Variants in SMG6 observed in about 807,000 individuals in gnomAD.
SMG6 encodes SMG6 nonsense mediated mRNA decay factor.
In SMG6, 66 loss-of-function variants were observed where a neutral mutation model predicts 142.2. The observed-to-expected ratio is 0.46, with a 90% CI of 0.38 to 0.57. The LOEUF (loss-of-function observed/expected upper bound fraction) is 0.57. SMG6 is among the 20% of genes least tolerant of loss of function. The pLI, the probability that SMG6 is intolerant of heterozygous loss-of-function variation, is 0.00. For synonymous variants in SMG6, 779 were observed against 702.4 expected, an observed-to-expected ratio of 1.11 and a Z score of -1.72; for missense variants, 1,793 against 1,832.0, an observed-to-expected ratio of 0.98 and a Z score of 0.39.
intron 8 of SMG6, among the ~76,000 whole-genome samples, chr17:2,276,910 T>C (rs1474565930): frequency 6.6e-6 from 1 of 151,740 alleles, no homozygotes; most frequent in Non-Finnish European, 1.5e-5. Flanking sequence ...GCCTCTTGAG[T>C]AGCTGGGATT....
chr17:2,126,042 T>A (rs1273104798), intron 13 of SMG6, among the ~76,000 whole-genome samples: 2 of 151,630 alleles, frequency 1.3e-5, no homozygotes, highest in East Asian at 3.9e-4. Flanking sequence ...AAAGGGCTCA[T>A]GCTTCTGGAT....
At chr17:2,255,741 A>AG (rs2074160835) in intron 8 of SMG6, 3 of 195,936 alleles carry the variant, frequency 1.5e-5, no homozygotes, top group South Asian at 8.9e-5. Context: ...TGGAATAGAA[A>AG]GGGGGGAAAG....
chr17:2,098,745 C>T (rs1012406224), intron 13 of SMG6, among the ~76,000 whole-genome samples: 1 of 152,126 alleles, frequency 6.6e-6, no homozygotes, highest in African/African-American at 2.4e-5. Context: ...ATTCTCCTGC[C>T]TCAGCCTCCC....
chr17:2,152,148 T>C (rs986036269), intron 13 of SMG6, among the ~76,000 whole-genome samples: 4 of 152,150 alleles, frequency 2.6e-5, no homozygotes, highest in Non-Finnish European at 4.4e-5. Flanking sequence ...GGAACCCAGT[T>C]GAAGGTAAGA....
intron 10 of SMG6, among the ~76,000 whole-genome samples, chr17:2,226,967 CAA>C (rs2073338316): frequency 6.6e-6 from 1 of 152,042 alleles, no homozygotes; most frequent in African/African-American, 2.4e-5. Context: ...ATACAAGTGG[CAA>C]ATAAACACAT....
chr17:2,245,989 GA>G (rs1759116725), intron 8 of SMG6, among the ~76,000 whole-genome samples: 2 of 152,102 alleles, frequency 1.3e-5, no homozygotes, highest in South Asian at 4.1e-4. Flanking sequence ...GCTGAATCTG[GA>G]TTTTTATGTG....
chr17:2,295,711 A>G (rs1490798367), intron 4 of SMG6, among the ~76,000 whole-genome samples: 2 of 151,952 alleles, frequency 1.3e-5, no homozygotes, highest in Admixed American at 1.3e-4. Context: ...ATGACTCATG[A>G]ATCTATATCA....
At chr17:2,203,087 A>T (rs954511489) in intron 10 of SMG6, among the ~76,000 whole-genome samples, 2 of 152,146 alleles carry the variant, frequency 1.3e-5, no homozygotes, top group South Asian at 2.1e-4. Context: ...AAAAATGAAA[A>T]CACTTCTAAA....
At chr17:2,253,246 A>G (rs2074089809) in intron 8 of SMG6, among the ~76,000 whole-genome samples, 1 of 151,850 alleles carries the variant, frequency 6.6e-6, no homozygotes, top group South Asian at 2.1e-4. Context: ...GGTTCACGCC[A>G]TTCTCCTGCC....
intron 8 of SMG6, among the ~76,000 whole-genome samples, chr17:2,246,735 C>T (rs897305603): frequency 2.6e-5 from 4 of 152,118 alleles, no homozygotes; most frequent in Admixed American, 6.5e-5. Context: ...CAATTGAGGT[C>T]AGGAGTTCAA....
intron 8 of SMG6, among the ~76,000 whole-genome samples, chr17:2,271,916 G>C (rs11657644): frequency 0.42 from 63,283 of 151,994 alleles, 14,178 homozygotes; most frequent in African/African-American, 0.59. Flanking sequence ...GCAAACTGTG[G>C]GGTAAAAGAT....
intron 8 of SMG6, among the ~76,000 whole-genome samples, chr17:2,257,629 T>C (rs1458163291): frequency 2.0e-5 from 3 of 152,090 alleles, no homozygotes; most frequent in African/African-American, 7.2e-5. Context: ...CTTACTCCAC[T>C]ACCTCCTTCT....
At chr17:2,104,176 C>A (rs2069090754) in intron 13 of SMG6, among the ~76,000 whole-genome samples, 2 of 152,004 alleles carry the variant, frequency 1.3e-5, no homozygotes, top group African/African-American at 4.8e-5. Flanking sequence ...TGGTCTTGAT[C>A]TCCTGACCTC....
chr17:2,126,715 C>T (rs941302988), intron 13 of SMG6, among the ~76,000 whole-genome samples: 1 of 66,110 alleles, frequency 1.5e-5, no homozygotes, highest in African/African-American at 5.3e-5. Flanking sequence ...GGCTCAGTTT[C>T]AAAAAAAAAA....
chr17:2,093,896 C>T (rs796255521), intron 13 of SMG6, among the ~76,000 whole-genome samples: 11 of 151,782 alleles, frequency 7.2e-5, no homozygotes, highest in South Asian at 2.1e-4. Context: ...ATTACAGGCA[C>T]GAGCCACCAC....
In SMG6 at chr17:2,300,430, C is replaced by G. The variant is rs1207360164; in HGVS notation, c.323G>C (p.Gly108Ala). The G allele has an allele frequency of 2.5e-6, 4 of 1,614,096 alleles. No individual in the cohort carries two copies. The Admixed American group carries it at 6.7e-5, about 27-fold the overall frequency. The change falls in exon 2 of 19, where the codon GGT (glycine) becomes GCT (alanine). Residue 108 changes from glycine to alanine, a missense_variant. By Grantham distance (60) the Gly-to-Ala change is moderately conservative (BLOSUM62 0). This residue lies in a region of SMG6 where 1,597 missense variants were observed against 1,584.6 expected (regional missense o/e 1.01). Coordinates refer to ENST00000263073, the MANE Select transcript of SMG6 (RefSeq NM_017575.5). ...CCGATTATTTTCTGGGTCTATAGGA[C>G]CATTCTGCTCTTGGTTGTTCAGTTC... ...CKELNNQEQNGPIDPENNRGQ... is the reference protein window; with the variant it reads ...CKELNNQEQNAPIDPENNRGQ...
At position 2,299,977 on chromosome 17, in the gene SMG6, G is replaced by A. The variant is rs148289933; in HGVS notation, c.776C>T (p.Thr259Ile). 1.6e-5 allele frequency: 26 copies of A among 1,613,964 alleles called. No individual in the cohort carries two copies. The highest frequency in any genetic ancestry group is 1.9e-5 in the Non-Finnish European group (23 of 1,180,038). The stretch of plus-strand genomic sequence containing the variant: ...GCTGTTGTTGCTGCCAGCTGAGCTG[G>A]TGCTGCGCGTGCGGTAGCGATTCCT... ...KRRNRYRTRSTSSAGSNNSAE... is the reference protein window; with the variant it reads ...KRRNRYRTRSISSAGSNNSAE... The change falls in exon 2 of 19, where the codon ACC becomes ATC. Residue 259 changes from threonine to isoleucine, a missense_variant. By Grantham distance (89) the Thr-to-Ile change is moderately conservative (BLOSUM62 -1). Transcript: ENST00000263073. This position sits in a 1 kb window ranked among gnomAD's most constrained non-coding sequence, Gnocchi z 4.3.
At position 2,172,781 on chromosome 17, in the gene SMG6, C is replaced by T; in HGVS notation, c.3234G>A (p.Leu1078=). The T allele has an allele frequency of 6.2e-7, 1 of 1,614,180 alleles. No homozygotes were observed. The highest frequency in any genetic ancestry group is 1.7e-5 in the Admixed American group (1 of 60,032). Residue 1078 remains leucine (L), a synonymous_variant, in exon 13 of 19, where the codon CTG becomes CTA. Transcript: ENST00000263073. ...TGAGGTCATCATCCGGGTCCTTGTA[C>T]AGTGGCACCTCAGACTGATTCACTG... ...LTAVNQSEVP[L]YKDPDDDLTL...
chr17:2,291,065 C>G lies in SMG6; in HGVS notation c.2337+1487G>C, dbSNP rs112170306. On this transcript the variant is annotated intron_variant, in intron 6 of 18. Coordinates refer to ENST00000263073, the MANE Select transcript of SMG6 (RefSeq NM_017575.5). ...TCTGACACATGGCCAGGTGCGGTGG[C>G]TCACGCCTGTAATCCCAGCACTTTG... 1.1e-4 allele frequency among the ~76,000 whole-genome samples: 17 copies of G among 152,300 alleles called. 1 individual carries two copies. The highest frequency in any genetic ancestry group is 3.6e-4 in the African/African-American group (15 of 41,564).
Sources: allele counts gnomAD v4.1 joint callset (sites outside exome capture counted in the v4.1 genomes callset), GRCh38; gene constraint gnomAD v4.1.1; regional missense constraint gnomAD v4.1.1; non-coding constraint Gnocchi (gnomAD v3.1); transcripts MANE v1.5; gene names NCBI Gene and HGNC (gene_info 2026-07-23, HGNC 2026-07-21).